The following UQCRH variants were observed in gnomAD, a reference collection of about 807,000 sequenced individuals.
UQCRH encodes ubiquinol-cytochrome c reductase hinge protein.
In UQCRH, 14 loss-of-function variants were observed where a neutral mutation model predicts 16.3. The ratio of observed to expected loss-of-function variants is 0.86; its 90% confidence interval spans 0.57 to 1.34. The LOEUF (loss-of-function observed/expected upper bound fraction) is 1.34, where lower values mean the gene tolerates loss of function less well. Ranked by LOEUF, UQCRH falls within the 40% of genes most tolerant of loss-of-function variation. UQCRH has a pLI of 0.00. For synonymous variants in UQCRH, 41 were observed against 41.9 expected, an observed-to-expected ratio of 0.98 and a Z score of 0.08; for missense variants, 89 against 111.9, an observed-to-expected ratio of 0.80 and a Z score of 0.92.
rs756068720 is a variant in UQCRH, at chr1:46,310,184, C to T, written c.111C>T (p.Cys37=). The change falls in exon 3 of 4, where the codon TGC becomes TGT. Residue 37 remains cysteine (C), a synonymous_variant. Transcript: ENST00000311672. The part of the protein sequence containing the change: ...VDPLTTVREQ[C]EQLEKCVKAR... Reference sequence around the variant, plus strand: ...CCCTAACAACAGTGAGAGAGCAATGCGAGCAGTTGGAGAAATGTGTAAAGG... The same window carrying T: ...CCCTAACAACAGTGAGAGAGCAATGTGAGCAGTTGGAGAAATGTGTAAAGG... 24 of 1,614,028 alleles carry T rather than the reference C, an allele frequency of 1.5e-5. No homozygotes were observed. Among genetic ancestry groups the T allele is most frequent in the East Asian group, 4.5e-5 (2 of 44,898 alleles).
chr1:46,310,583 C>T (rs1372101823), intron 3 of UQCRH, among the ~76,000 whole-genome samples: 1 of 152,206 alleles, frequency 6.6e-6, no homozygotes, highest in Non-Finnish European at 1.5e-5. Context: ...GCCTTGGCCT[C>T]CCAAGTAGCT....
chr1:46,310,162 TAAC>T lies in UQCRH; in HGVS notation c.94_96del (p.Thr32del), dbSNP rs928398501. The T allele has an allele frequency of 1.2e-6, 2 of 1,614,060 alleles. No individual in the cohort carries two copies. Among genetic ancestry groups the T allele is most frequent in the African/African-American group, 2.7e-5 (2 of 74,920 alleles). On this transcript the variant is annotated inframe_deletion, in exon 3 of 4. Transcript: ENST00000311672. ...TTTCTGTTTCTACATCAGGATCCCC[TAAC>T]AACAGTGAGAGAGCAATGCGAGCAG... is the stretch of plus-strand genomic sequence containing the variant.
chr1:46,316,506 C>T (rs772882585), intron 3 of UQCRH, 46 bp from the exon 4 acceptor site: 1 of 1,613,168 alleles, frequency 6.2e-7, no homozygotes, highest in East Asian at 2.2e-5. Flanking sequence ...TAAGCCATGA[C>T]ATTAAAGCTG....
chr1:46,304,638 G>A (rs903454279), intron 1 of UQCRH, among the ~76,000 whole-genome samples: 2 of 152,010 alleles, frequency 1.3e-5, no homozygotes, highest in Non-Finnish European at 2.9e-5. Flanking sequence ...GCCCACCCCG[G>A]CCTCCCAAAG....
At chr1:46,305,910 T>C (rs1286344693) in intron 1 of UQCRH, among the ~76,000 whole-genome samples, 1 of 151,786 alleles carries the variant, frequency 6.6e-6, no homozygotes, top group Non-Finnish European at 1.5e-5. Context: ...TTCAAGCGAT[T>C]CTCTTTTGCC....
At position 46,316,528 on chromosome 1, in the gene UQCRH, C is replaced by T. The variant is rs765239630; in HGVS notation, c.244-24C>T. The T allele has an allele frequency of 2.5e-6, 4 of 1,613,466 alleles. No homozygotes were observed. The African/African-American group carries it at 4.0e-5, about 16-fold the overall frequency. On this transcript the variant is annotated intron_variant, in intron 3 of 3. Transcript: ENST00000311672. Reference sequence around the variant, plus strand: ...TGACATTAAAGCTGCCAATTGATTACCTCCTTTTCTTTCCCCCATCTAGGT... The same window carrying T: ...TGACATTAAAGCTGCCAATTGATTATCTCCTTTTCTTTCCCCCATCTAGGT...
At chr1:46,309,482 A>G (rs766621454) in intron 2 of UQCRH, 42 of 243,360 alleles carry the variant, frequency 1.7e-4, no homozygotes, top group Non-Finnish European at 2.4e-4. Flanking sequence ...ACCAGCCTGA[A>G]CAACGTAGAG....
At chr1:46,307,236 G>T (rs956783843) in intron 1 of UQCRH, among the ~76,000 whole-genome samples, 3 of 152,126 alleles carry the variant, frequency 2.0e-5, no homozygotes, top group African/African-American at 7.2e-5. Context: ...GTAGAGACGG[G>T]GTTTCACCAT....
At position 46,309,925 on chromosome 1, in the gene UQCRH, G is replaced by A; in HGVS notation, c.82-230G>A. Reference sequence around the variant, plus strand: ...GGACTGAGGCTTTCAGTGCATACTGGCAACCTTGGAAGGCAGGAATGTGAA... The same window carrying A: ...GGACTGAGGCTTTCAGTGCATACTGACAACCTTGGAAGGCAGGAATGTGAA... On this transcript the variant is annotated intron_variant, in intron 2 of 3. Transcript: ENST00000311672. 3 of 1,428,716 alleles carry A rather than the reference G, an allele frequency of 2.1e-6. No individual in the cohort carries two copies. The East Asian group carries it at 7.7e-5, about 37-fold the overall frequency. The allele number at this position is 1,428,716 out of a possible 1,614,324, so 88.5% of individuals were successfully genotyped here. A position where few individuals can be genotyped will look rare whatever the true frequency, so the allele number is the denominator to read the frequency against.
At chr1:46,309,169 G>C (rs749386260) in intron 2 of UQCRH, 42 bp downstream of exon 2, 1 of 1,594,482 alleles carries the variant, frequency 6.3e-7, no homozygotes, top group East Asian at 2.2e-5. Flanking sequence ...AGTAAAAGCA[G>C]GGTTTGAGCT....
Position 46,310,288 on chromosome 1 carries a change from T to C in UQCRH, c.215T>C (p.Phe72Ser), listed in dbSNP as rs746368189. Residue 72 changes from phenylalanine (F) to serine (S), a missense_variant, in exon 3 of 4, where the codon TTT (phenylalanine) becomes TCT (serine). Transcript: ENST00000311672. ...GAAGAGGATTGCACGGAGGAGCTCT[T>C]TGACTTCTTGCATGCGAGGGACCAT... ...HTEEDCTEEL[F>S]DFLHARDHCV... The C allele has an allele frequency of 2.5e-6, 4 of 1,614,016 alleles. No homozygotes were observed. Among genetic ancestry groups the C allele is most frequent in the African/African-American group, 2.7e-5 (2 of 74,918 alleles).
rs191032901 is a variant in UQCRH at position 46,306,338 on chromosome 1, C to T, written c.54+2518C>T. On this transcript the variant is annotated intron_variant, in intron 1 of 3. Transcript: ENST00000311672. ...CGGTCCTAATTTCTGTTTTCTAACT[C>T]GGGCAGAATGTAATTTTAGTTTTTT... 2.5e-4 allele frequency among the ~76,000 whole-genome samples: 38 copies of T among 150,318 alleles called. No individual in the cohort carries two copies. The East Asian group carries it at 6.8e-3, about 27-fold the overall frequency.
At chr1:46,309,021 G>A (rs774958549) in intron 1 of UQCRH, 80 bp from the exon 2 acceptor site, 23 of 1,471,316 alleles carry the variant, frequency 1.6e-5, no homozygotes, top group Admixed American at 3.5e-5. Context: ...AGTGTCTATC[G>A]TCAGTAATTA....
At position 46,316,550 on chromosome 1, in the gene UQCRH, A is replaced by T; in HGVS notation, c.244-2A>T. 4.3e-6 allele frequency: 7 copies of T among 1,613,548 alleles called. No homozygotes were observed. The highest frequency in any genetic ancestry group is 5.9e-6 in the Non-Finnish European group (7 of 1,179,790). On this transcript the variant is annotated splice_acceptor_variant, in intron 3 of 3. Coordinates refer to ENST00000311672, the MANE Select transcript of UQCRH (RefSeq NM_006004.4). LOFTEE classifies it high-confidence loss of function. Reference sequence around the variant, plus strand: ...TTACCTCCTTTTCTTTCCCCCATCTAGGTGGCCCACAAACTCTTTAACAAC... The same window carrying T: ...TTACCTCCTTTTCTTTCCCCCATCTTGGTGGCCCACAAACTCTTTAACAAC...
intron 3 of UQCRH, among the ~76,000 whole-genome samples, chr1:46,313,401 G>T (rs1661517628): frequency 6.6e-6 from 1 of 152,124 alleles, no homozygotes; most frequent in South Asian, 2.1e-4. Flanking sequence ...GGCGGAGGCG[G>T]GTGGATCATG....
intron 1 of UQCRH, among the ~76,000 whole-genome samples, chr1:46,304,276 A>G (rs1242854206): frequency 6.6e-6 from 1 of 152,138 alleles, no homozygotes; most frequent in African/African-American, 2.4e-5. Context: ...GGGACAATGA[A>G]AGAATGTACG....
chr1:46,307,303 C>T lies in UQCRH; in HGVS notation c.55-1798C>T, dbSNP rs776399033. Among the ~76,000 whole-genome samples, 4 of 152,298 alleles carry T rather than the reference C, an allele frequency of 2.6e-5. 1 individual carries two copies. In the Middle Eastern group the frequency reaches 0.01, roughly 391 times the overall value. On this transcript the variant is annotated intron_variant, in intron 1 of 3. Transcript: ENST00000311672. ...CAGGTGATCTGGCCACCTCAGCCTC[C>T]CAAAGTGCTGGGATTACAGGTGTGA...
chr1:46,309,229 G>A, intron 2 of UQCRH, 102 bp downstream of exon 2: 3 of 1,305,328 alleles, frequency 2.3e-6, no homozygotes, highest in Non-Finnish European at 3.2e-6. Flanking sequence ...ATACCTTGTA[G>A]ATAATGGGGG....
intron 1 of UQCRH, among the ~76,000 whole-genome samples, chr1:46,304,218 A>G (rs1661316673): frequency 6.6e-6 from 1 of 152,064 alleles, no homozygotes; most frequent in South Asian, 2.1e-4. Context: ...GGAGGTTCGG[A>G]AGACCTGGCC....
Sources: allele counts gnomAD v4.1 joint callset (sites outside exome capture counted in the v4.1 genomes callset), GRCh38; gene constraint gnomAD v4.1.1; transcripts MANE v1.5; gene names NCBI Gene and HGNC (gene_info 2026-07-23, HGNC 2026-07-21).